The following KCNQ3 variants were observed in gnomAD, a reference collection of about 807,000 sequenced individuals.
KCNQ3 encodes the protein potassium voltage-gated channel subfamily Q member 3.
KCNQ3 carries 30 observed loss-of-function variants against 92.5 expected under a neutral mutation model. The observed-to-expected ratio is 0.32, with a 90% CI of 0.24 to 0.44. The LOEUF (loss-of-function observed/expected upper bound fraction) is 0.44, where lower values mean the gene tolerates loss of function less well. KCNQ3 is among the 20% of genes least tolerant of loss of function. The pLI, the probability that KCNQ3 is intolerant of heterozygous loss-of-function variation, is 1.00. For missense variants in KCNQ3, 913 were observed against 1,140.3 expected, an observed-to-expected ratio of 0.80 and a Z score of 2.87; for synonymous variants, 450 against 468.8, an observed-to-expected ratio of 0.96 and a Z score of 0.52.
intron 1 of KCNQ3, among the ~76,000 whole-genome samples, chr8:132,295,996 A>G (rs1817009505): frequency 6.6e-6 from 1 of 152,250 alleles, no homozygotes; most frequent in Admixed American, 6.5e-5. Context: ...TACCTATGTA[A>G]CAAACTTACA....
chr8:132,352,748 T>G (rs1410239598), intron 1 of KCNQ3, among the ~76,000 whole-genome samples: 2 of 152,218 alleles, frequency 1.3e-5, no homozygotes, highest in Non-Finnish European at 1.5e-5. Context: ...CAGTGACTCA[T>G]GTGTCATGAT....
intron 1 of KCNQ3, among the ~76,000 whole-genome samples, chr8:132,340,553 T>G (rs554401696): frequency 6.6e-6 from 1 of 151,366 alleles, no homozygotes; most frequent in East Asian, 1.9e-4. Flanking sequence ...TAAGTGGGAG[T>G]TGAACAATGA....
At chr8:132,313,832 C>T (rs1817666691) in intron 1 of KCNQ3, among the ~76,000 whole-genome samples, 1 of 152,130 alleles carries the variant, frequency 6.6e-6, no homozygotes, top group African/African-American at 2.4e-5. Context: ...CTGTCTACCT[C>T]CAGTAACACA....
At chr8:132,242,245 A>G (rs1815021540) in intron 1 of KCNQ3, among the ~76,000 whole-genome samples, 1 of 152,134 alleles carries the variant, frequency 6.6e-6, no homozygotes, top group African/African-American at 2.4e-5. Context: ...CAACAGACAC[A>G]TATTGAACAC....
At chr8:132,213,900 G>A (rs1185724998) in intron 1 of KCNQ3, among the ~76,000 whole-genome samples, 1 of 152,114 alleles carries the variant, frequency 6.6e-6, no homozygotes, top group African/African-American at 2.4e-5. Context: ...CAAATGGGAT[G>A]TTTTTTTCTC....
intron 9 of KCNQ3, among the ~76,000 whole-genome samples, chr8:132,155,824 G>A (rs1825783788): frequency 6.6e-6 from 1 of 152,162 alleles, no homozygotes; most frequent in African/African-American, 2.4e-5. Context: ...GGCTACTCTG[G>A]GGAAGGGGAA....
At chr8:132,227,458 T>C (rs1814468304) in intron 1 of KCNQ3, among the ~76,000 whole-genome samples, 1 of 152,184 alleles carries the variant, frequency 6.6e-6, no homozygotes, top group Non-Finnish European at 1.5e-5. Context: ...AGAAGCCGGA[T>C]GTCTGCAAGT....
At chr8:132,300,629 C>T (rs1817183596) in intron 1 of KCNQ3, among the ~76,000 whole-genome samples, 1 of 152,170 alleles carries the variant, frequency 6.6e-6, no homozygotes, top group East Asian at 1.9e-4. Flanking sequence ...CATGCCCTAG[C>T]AGGTGAGGAA....
chr8:132,328,185 A>T (rs531987081), intron 1 of KCNQ3, among the ~76,000 whole-genome samples: 1 of 152,240 alleles, frequency 6.6e-6, no homozygotes, highest in African/African-American at 2.4e-5. Context: ...GGAAAGTGAC[A>T]TAAGGCACGG....
rs73710542 is a variant in KCNQ3 at position 132,327,674 on chromosome 8, G to C, written c.387-141493C>G. 9.1e-3 allele frequency among the ~76,000 whole-genome samples: 1,386 copies of C among 152,280 alleles called. 20 individuals carry two copies. The highest frequency in any genetic ancestry group is 0.032 in the African/African-American group (1,336 of 41,552). On this transcript the variant is annotated intron_variant, in intron 1 of 14. Transcript: ENST00000388996. ...TGCAATTCCCTGCCTGACACCCCAA[G>C]TACCTGCTGGGCTCCATGGGCCTCA...
chr8:132,208,489 T>C (rs1270113555), intron 1 of KCNQ3, among the ~76,000 whole-genome samples: 1 of 152,178 alleles, frequency 6.6e-6, no homozygotes, highest in Non-Finnish European at 1.5e-5. Context: ...TTGTTGGCCC[T>C]ACTATTCCCA....
At chr8:132,315,918 A>G (rs1207136003) in intron 1 of KCNQ3, among the ~76,000 whole-genome samples, 2 of 152,226 alleles carry the variant, frequency 1.3e-5, no homozygotes, top group Non-Finnish European at 2.9e-5. Flanking sequence ...AATGGTTTTC[A>G]ATCTTTTAGA....
chr8:132,461,483 T>G (rs1301809153), intron 1 of KCNQ3, among the ~76,000 whole-genome samples: 1 of 152,160 alleles, frequency 6.6e-6, no homozygotes, highest in African/African-American at 2.4e-5. Context: ...GAGAATTGCT[T>G]GAACCCAGGA....
chr8:132,384,152 G>C (rs1187836652), intron 1 of KCNQ3, among the ~76,000 whole-genome samples: 3 of 152,124 alleles, frequency 2.0e-5, no homozygotes, highest in Non-Finnish European at 4.4e-5. Context: ...GTGAGTCTTT[G>C]CTAGGTCTGT....
intron 1 of KCNQ3, among the ~76,000 whole-genome samples, chr8:132,324,595 C>G (rs971446977): frequency 1.3e-5 from 2 of 152,188 alleles, no homozygotes; most frequent in Non-Finnish European, 2.9e-5. Flanking sequence ...AGGCTAATGA[C>G]CAAGCAGAAT....
In KCNQ3 at chr8:132,263,637, G is replaced by A. The variant is rs888794072; in HGVS notation, c.387-77456C>T. On this transcript the variant is annotated intron_variant, in intron 1 of 14. Transcript: ENST00000388996. ...TGGACCAAAGTCAAAAGAGATAAGTGACTGCAGAAACAAAGAATGATGGGG... is the reference window on the plus strand; with the variant it reads ...TGGACCAAAGTCAAAAGAGATAAGTAACTGCAGAAACAAAGAATGATGGGG... Among the ~76,000 whole-genome samples the A allele has an allele frequency of 5.3e-5, 8 of 152,200 alleles. No homozygotes were observed. In the East Asian group the frequency reaches 1.5e-3, roughly 29 times the overall value.
chr8:132,283,288 T>C (rs950514551), intron 1 of KCNQ3, among the ~76,000 whole-genome samples: 1 of 152,130 alleles, frequency 6.6e-6, no homozygotes, highest in Non-Finnish European at 1.5e-5. Flanking sequence ...TTCTCCAGCA[T>C]ATAGTCCAGT....
chr8:132,465,623 G>A (rs4736585), intron 1 of KCNQ3, among the ~76,000 whole-genome samples: 35,869 of 152,020 alleles, frequency 0.24, 4,479 homozygotes, highest in East Asian at 0.37. Context: ...AGGCGCCTGT[G>A]GTCCCAGCTA....
chr8:132,328,651 G>A (rs1818135959), intron 1 of KCNQ3, among the ~76,000 whole-genome samples: 1 of 152,172 alleles, frequency 6.6e-6, no homozygotes, highest in South Asian at 2.1e-4. Flanking sequence ...TCTACAATGA[G>A]TATATAGAAC....
Sources: gnomAD v4.1 joint callset for allele counts (sites outside exome capture counted in the v4.1 genomes callset) on GRCh38, gnomAD v4.1.1 for gene constraint, MANE v1.5 for transcripts, NCBI Gene and HGNC (gene_info 2026-07-23, HGNC 2026-07-21) for gene names.